Variants in LYPLAL1 observed in about 807,000 individuals in gnomAD.
LYPLAL1 encodes the protein lysophospholipase-like protein 1.
In LYPLAL1, 23 loss-of-function variants were observed where a neutral mutation model predicts 19.7. That is an observed-to-expected ratio of 1.17 (90% CI 0.84 to 1.65). LYPLAL1 has a LOEUF of 1.65. LYPLAL1 is among the 40% of genes most tolerant of loss of function. The probability of loss-of-function intolerance (pLI) is 0.00; values close to 1 mark genes in which losing one functional copy is unlikely to be tolerated. For missense variants in LYPLAL1, 355 were observed against 279.4 expected (o/e 1.27, Z -1.93); for synonymous variants, 119 against 96.3 (o/e 1.24, Z -1.38).
chr1:219,278,943 C>G, the LYPLAL1 span, among the ~76,000 whole-genome samples: 1 of 152,072 alleles, frequency 6.6e-6, no homozygotes, highest in Non-Finnish European at 1.5e-5. Flanking sequence ...CAGACATTAC[C>G]AAATATCCAT....
chr1:219,386,439 G>A, the LYPLAL1 span, among the ~76,000 whole-genome samples: 41 of 152,256 alleles, frequency 2.7e-4, no homozygotes, highest in African/African-American at 9.6e-4. Context: ...TAAGTTGCCA[G>A]GAATTATTTA....
At chr1:219,247,059 G>A in the LYPLAL1 span, among the ~76,000 whole-genome samples, 1 of 152,166 alleles carries the variant, frequency 6.6e-6, no homozygotes, top group Non-Finnish European at 1.5e-5. Context: ...TCTCTGGCAA[G>A]ACTATTTTGA....
the LYPLAL1 span, among the ~76,000 whole-genome samples, chr1:219,350,321 C>T: frequency 9.0e-3 from 1,366 of 152,148 alleles, 10 homozygotes; most frequent in Non-Finnish European, 0.013. Flanking sequence ...AACCCACACA[C>T]GGTCTCATGA....
the LYPLAL1 span, among the ~76,000 whole-genome samples, chr1:219,417,545 C>T: frequency 1.4e-4 from 21 of 152,180 alleles, no homozygotes; most frequent in African/African-American, 5.1e-4. Context: ...TGAGAATTTG[C>T]AACCAGAACC....
chr1:219,208,698 A>G (rs2125112015), intron 3 of LYPLAL1, among the ~76,000 whole-genome samples: 1 of 152,160 alleles, frequency 6.6e-6, no homozygotes, highest in Middle Eastern at 3.4e-3. Flanking sequence ...GGGTTTCAAA[A>G]TCTCAATAAT....
At chr1:219,224,393 C>A in the LYPLAL1 span, among the ~76,000 whole-genome samples, 1 of 152,086 alleles carries the variant, frequency 6.6e-6, no homozygotes, top group South Asian at 2.1e-4. Flanking sequence ...CTTAATTACC[C>A]TATGAAGTGT....
intron 4 of LYPLAL1, 113 bp from the exon 5 acceptor site, chr1:219,211,379 C>A: frequency 1.3e-6 from 1 of 742,670 alleles, no homozygotes; most frequent in Non-Finnish European, 2.2e-6. Context: ...TTTTTTTTCC[C>A]ATTAGTTATT....
the LYPLAL1 span, among the ~76,000 whole-genome samples, chr1:219,291,875 C>A: frequency 7.0e-6 from 1 of 143,572 alleles, no homozygotes; most frequent in Non-Finnish European, 1.5e-5. Flanking sequence ...CAGGATAAAG[C>A]GGAATAAAGC....
the LYPLAL1 span, among the ~76,000 whole-genome samples, chr1:219,363,173 A>G: frequency 6.6e-6 from 1 of 152,110 alleles, no homozygotes; most frequent in Non-Finnish European, 1.5e-5. Flanking sequence ...GAGGGGAAGT[A>G]TTTAAGTAAG....
chr1:219,174,954 T>C (rs943240960), intron 1 of LYPLAL1: 7 of 985,446 alleles, frequency 7.1e-6, no homozygotes, highest in Non-Finnish European at 6.0e-6. Flanking sequence ...TTAGGCATTA[T>C]TAAGGCATTT....
the LYPLAL1 span, among the ~76,000 whole-genome samples, chr1:219,245,727 C>T: frequency 6.6e-6 from 1 of 152,258 alleles, no homozygotes; most frequent in East Asian, 1.9e-4. Flanking sequence ...TGCTTTATCT[C>T]TGGTAAGCTA....
At chr1:219,387,322 C>T in the LYPLAL1 span, among the ~76,000 whole-genome samples, 1 of 152,146 alleles carries the variant, frequency 6.6e-6, no homozygotes, top group Non-Finnish European at 1.5e-5. Context: ...ATGTACATGT[C>T]CTTTAACTGA....
the LYPLAL1 span, among the ~76,000 whole-genome samples, chr1:219,334,561 T>TG: frequency 8.1e-6 from 1 of 123,406 alleles, no homozygotes; most frequent in Non-Finnish European, 1.8e-5. Flanking sequence ...GTGTGTGTGT[T>TG]TAATCTGCAT....
chr1:219,407,774 A>C, the LYPLAL1 span, among the ~76,000 whole-genome samples: 1 of 152,140 alleles, frequency 6.6e-6, no homozygotes. Flanking sequence ...AGCTTAAACA[A>C]CAAACATTTA....
chr1:219,200,714 C>T, intron 3 of LYPLAL1: 1 of 232,582 alleles, frequency 4.3e-6, no homozygotes, highest in Non-Finnish European at 8.8e-6. Context: ...TCTGCTTGCT[C>T]TTCCTTGCTT....
chr1:219,223,428 G>A, the LYPLAL1 span, among the ~76,000 whole-genome samples: 1 of 152,114 alleles, frequency 6.6e-6, no homozygotes, highest in East Asian at 1.9e-4. Context: ...TAGCCCTTGA[G>A]TACTTTAGAA....
chr1:219,394,510 G>T, the LYPLAL1 span, among the ~76,000 whole-genome samples: 1 of 152,008 alleles, frequency 6.6e-6, no homozygotes, highest in Non-Finnish European at 1.5e-5. Flanking sequence ...CTAACCCCTG[G>T]CAGCTACCAT....
chr1:219,357,778 A>G, the LYPLAL1 span, among the ~76,000 whole-genome samples: 4 of 152,328 alleles, frequency 2.6e-5, no homozygotes, highest in East Asian at 7.7e-4. Context: ...TATAACTGCC[A>G]AAAACTGGAA....
chr1:219,314,670 G>C, the LYPLAL1 span, among the ~76,000 whole-genome samples: 1 of 152,084 alleles, frequency 6.6e-6, no homozygotes, highest in Non-Finnish European at 1.5e-5. Flanking sequence ...CTGACTTCGT[G>C]ATCCACCCAC....
Sources: gnomAD v4.1 joint callset for allele counts (sites outside exome capture counted in the v4.1 genomes callset) on GRCh38, gnomAD v4.1.1 for gene constraint, MANE v1.5 for transcripts, NCBI Gene and HGNC (gene_info 2026-07-23, HGNC 2026-07-21) for gene names.